IL16: variants seen among roughly 807,000 people sequenced by gnomAD.
IL16 encodes interleukin 16.
Under a neutral mutation model 110.1 loss-of-function variants are expected in IL16, and 67 were observed. The observed-to-expected ratio is 0.61, with a 90% CI of 0.50 to 0.75. The LOEUF is 0.75. Among genes scored for constraint, IL16 ranks in the 30% least tolerant of loss-of-function variants. IL16 has a pLI of 0.00. For missense variants in IL16, 1,545 were observed against 1,655.0 expected (o/e 0.93, Z 1.15); for synonymous variants, 689 against 662.9 (o/e 1.04, Z -0.61).
In IL16 at chr15:81,285,756, G is replaced by A; in HGVS notation, c.1258G>A (p.Glu420Lys). 2 of 1,614,150 alleles carry A rather than the reference G, an allele frequency of 1.2e-6. No homozygotes were observed. The highest frequency in any genetic ancestry group is 8.5e-7 in the Non-Finnish European group (1 of 1,180,000). The part of the protein sequence containing the change: ...DSPVHCLTLN[E>K]VYTILSHCDP... ...CCCTGTGCACTGCCTGACGCTCAAT[G>A]AAGTCTACACGATCCTGAGTCACTG... is the stretch of plus-strand genomic sequence containing the variant. Residue 420 changes from glutamate (E) to lysine (K), a missense_variant, in exon 10 of 19, where the codon GAA becomes AAA. Coordinates refer to ENST00000683961, the MANE Select transcript of IL16 (RefSeq NM_172217.5).
At chr15:81,238,220 T>A (rs962705499) in intron 2 of IL16, among the ~76,000 whole-genome samples, 8 of 152,160 alleles carry the variant, frequency 5.3e-5, no homozygotes, top group Admixed American at 5.2e-4. Flanking sequence ...GTATTTTAAC[T>A]GGTGTATTTA....
intron 1 of IL16, among the ~76,000 whole-genome samples, chr15:81,187,327 G>A (rs1328229718): frequency 6.6e-6 from 1 of 152,196 alleles, no homozygotes; most frequent in Non-Finnish European, 1.5e-5. Context: ...GCTGGATGCA[G>A]TGGCTCACAT....
At chr15:81,241,794 C>T (rs1445197599) in intron 2 of IL16, among the ~76,000 whole-genome samples, 11 of 152,090 alleles carry the variant, frequency 7.2e-5, no homozygotes, top group East Asian at 1.9e-4. Flanking sequence ...TTTCCATCAT[C>T]GCAAGGTTCC....
Position 81,293,041 on chromosome 15 carries a change from A to G in IL16, c.1902+4A>G. Reference sequence around the variant, plus strand: ...CACCCCACCCACCTGTGGCCAGGTAAGAGGATGGGTCCACAGGTTGAGTGT... The same window carrying G: ...CACCCCACCCACCTGTGGCCAGGTAGGAGGATGGGTCCACAGGTTGAGTGT... On this transcript the variant is annotated splice_donor_region_variant and intron_variant, in intron 12 of 18. Transcript: ENST00000683961. The G allele has an allele frequency of 6.2e-7, 1 of 1,601,422 alleles. No homozygotes were observed. The highest frequency in any genetic ancestry group is 8.5e-7 in the Non-Finnish European group (1 of 1,177,338).
chr15:81,210,127 T>G (rs546073556), intron 1 of IL16, among the ~76,000 whole-genome samples: 43 of 152,342 alleles, frequency 2.8e-4, no homozygotes, highest in African/African-American at 9.6e-4. Flanking sequence ...TAAGGAGTCC[T>G]TTCCCCATTG....
At chr15:81,212,626 C>T (rs991717376) in intron 1 of IL16, among the ~76,000 whole-genome samples, 5 of 151,980 alleles carry the variant, frequency 3.3e-5, no homozygotes, top group South Asian at 2.1e-4. Context: ...CTCCCTCCAC[C>T]GCACCCAGCT....
At chr15:81,248,071 C>T (rs559881565) in intron 2 of IL16, among the ~76,000 whole-genome samples, 1 of 152,272 alleles carries the variant, frequency 6.6e-6, no homozygotes, top group South Asian at 2.1e-4. Flanking sequence ...GTTATTTCAG[C>T]ATTATGAGGC....
chr15:81,273,632 C>T (rs1012906475), intron 6 of IL16, among the ~76,000 whole-genome samples: 2 of 152,116 alleles, frequency 1.3e-5, no homozygotes, highest in African/African-American at 4.8e-5. Flanking sequence ...CATAGGGAAA[C>T]CAGGTTCAAT....
intron 1 of IL16, among the ~76,000 whole-genome samples, chr15:81,209,317 G>A (rs1375401312): frequency 6.6e-6 from 1 of 152,112 alleles, no homozygotes; most frequent in Non-Finnish European, 1.5e-5. Flanking sequence ...GTTGAAAGCA[G>A]GATATTCCAG....
At chr15:81,308,563 C>T (rs1470849772) in intron 18 of IL16, 42 bp from the exon 19 acceptor site, 3 of 1,466,272 alleles carry the variant, frequency 2.0e-6, no homozygotes, top group Non-Finnish European at 2.8e-6. Flanking sequence ...TTTCCTTGTT[C>T]CCCATCATCT....
intron 4 of IL16, among the ~76,000 whole-genome samples, chr15:81,266,196 C>T (rs1898375873): frequency 6.6e-6 from 1 of 152,200 alleles, no homozygotes; most frequent in Non-Finnish European, 1.5e-5. Flanking sequence ...TGCACATTCA[C>T]ACTGTTGAGG....
In IL16 at chr15:81,285,816, C is replaced by T. The variant is rs1467142753; in HGVS notation, c.1318C>T (p.His440Tyr). Reference protein sequence around the residue: ...PGPVPIIVSRHPDPQVSEQQL... With the variant: ...PGPVPIIVSRYPDPQVSEQQL... ...TCCAGTCCCCATCATTGTTAGCCGA[C>T]ATCCAGACCCACAGGTAACACCCAC... Residue 440 changes from histidine (H) to tyrosine (Y), a missense_variant, in exon 10 of 19, where the codon CAT (histidine) becomes TAT (tyrosine). Physicochemically the swap from His to Tyr is moderately conservative, Grantham distance 83 (BLOSUM62 2). Coordinates refer to ENST00000683961, the MANE Select transcript of IL16 (RefSeq NM_172217.5). 1.2e-6 allele frequency: 2 copies of T among 1,614,200 alleles called. No homozygotes were observed. The highest frequency in any genetic ancestry group is 2.2e-5 in the East Asian group (1 of 44,888).
At chr15:81,287,814 C>T (rs981602458) in intron 10 of IL16, among the ~76,000 whole-genome samples, 2 of 152,210 alleles carry the variant, frequency 1.3e-5, no homozygotes, top group Non-Finnish European at 2.9e-5. Flanking sequence ...GTGGATTGCA[C>T]ACTGGAGCTA....
intron 9 of IL16, 106 bp downstream of exon 9, chr15:81,282,862 C>A: frequency 2.1e-6 from 2 of 965,914 alleles, no homozygotes; most frequent in Non-Finnish European, 3.3e-6. Flanking sequence ...AAAGAATGAT[C>A]TTGTGGTGGA....
At chr15:81,243,073 C>A (rs1897389960) in intron 2 of IL16, among the ~76,000 whole-genome samples, 1 of 137,468 alleles carries the variant, frequency 7.3e-6, no homozygotes, top group African/African-American at 2.7e-5. Context: ...ACTTGGTCAT[C>A]ATGTATAATT....
rs528610746 is a variant in IL16, at chr15:81,291,301, C to T, written c.1420+761C>T. On this transcript the variant is annotated intron_variant, in intron 11 of 18. Coordinates refer to ENST00000683961, the MANE Select transcript of IL16 (RefSeq NM_172217.5). ...TACCCACCCAACATGCATATATGCT[C>T]GGGAAAGCATGACAGAGAAACTCAC... Among the ~76,000 whole-genome samples, 10 of 152,280 alleles carry T rather than the reference C, an allele frequency of 6.6e-5. No individual in the cohort carries two copies. In the East Asian group the frequency reaches 1.5e-3, roughly 24 times the overall value.
chr15:81,310,879 C>T lies in IL16; in HGVS notation c.*2081C>T, dbSNP rs1307858305. ...TGATTGGGACAGAGGTTATCTGTCC[C>T]AGGTTATCTGGGCATAGATGCAGGT... On this transcript the variant is annotated 3_prime_UTR_variant, in exon 19 of 19. Transcript: ENST00000683961. The T allele has an allele frequency of 6.6e-6, 1 of 152,228 alleles. No individual in the cohort carries two copies. Among genetic ancestry groups the T allele is most frequent in the Non-Finnish European group, 1.5e-5 (1 of 68,078 alleles). 9.4% of individuals were successfully genotyped at this position (152,228 alleles called of 1,614,324 possible).
Position 81,261,251 on chromosome 15 carries a change from A to G in IL16, c.421+1371A>G, listed in dbSNP as rs112349305. ...AAAGGTAGAAGAAAATCTTTGAACC[A>G]GGTTGGGATTCTTCAATCACAGGGC... On this transcript the variant is annotated intron_variant, in intron 3 of 18. Coordinates refer to ENST00000683961, the MANE Select transcript of IL16 (RefSeq NM_172217.5). 8.5e-3 allele frequency among the ~76,000 whole-genome samples: 1,296 copies of G among 152,336 alleles called. 13 individuals are homozygous for G. Among genetic ancestry groups the G allele is most frequent in the Middle Eastern group, 0.02 (6 of 294 alleles).
chr15:81,213,572 A>T (rs974054308), intron 1 of IL16, among the ~76,000 whole-genome samples: 2 of 152,100 alleles, frequency 1.3e-5, no homozygotes, highest in African/African-American at 4.8e-5. Context: ...GGGTGCTCCA[A>T]TGTTGGGTGC....
Sources: gnomAD v4.1 joint callset for allele counts (sites outside exome capture counted in the v4.1 genomes callset) on GRCh38, gnomAD v4.1.1 for gene constraint, MANE v1.5 for transcripts, NCBI Gene and HGNC (gene_info 2026-07-23, HGNC 2026-07-21) for gene names.